The following TMC2 variants were observed in gnomAD, a reference collection of about 807,000 sequenced individuals.
TMC2 encodes transmembrane channel-like protein 2.
TMC2 carries 102 observed loss-of-function variants against 105.9 expected under a neutral mutation model. That is an observed-to-expected ratio of 0.96 (90% CI 0.82 to 1.14). The LOEUF is 1.14. TMC2 is among the 50% of genes most tolerant of loss of function. TMC2 has a pLI of 0.00. For synonymous variants in TMC2, 402 were observed against 422.8 expected, an observed-to-expected ratio of 0.95 and a Z score of 0.60; for missense variants, 1,093 against 1,134.3, an observed-to-expected ratio of 0.96 and a Z score of 0.52.
Position 2,641,240 on chromosome 20 carries a change from C to A in TMC2, c.2610C>A (p.His870Gln). The A allele has an allele frequency of 1.2e-6, 2 of 1,614,204 alleles. No individual in the cohort carries two copies. Among genetic ancestry groups the A allele is most frequent in the Non-Finnish European group, 1.7e-6 (2 of 1,180,032 alleles). Residue 870 changes from histidine to glutamine, a missense_variant, in exon 20 of 20, where the codon CAC becomes CAA. By Grantham distance (24) the His-to-Gln change is conservative (BLOSUM62 0). Transcript: ENST00000358864. Reference sequence around the variant, plus strand: ...GGACCACACTGCCTGCCTCTGGACACCTTCCTATATCTCGGCCCCCTGGAA... The same window carrying A: ...GGACCACACTGCCTGCCTCTGGACAACTTCCTATATCTCGGCCCCCTGGAA... ...ASRTTLPASG[H>Q]LPISRPPGIG... is the part of the protein sequence containing the mutation.
chr20:2,557,813 G>A (rs1449259559), intron 2 of TMC2, among the ~76,000 whole-genome samples: 3 of 152,140 alleles, frequency 2.0e-5, no homozygotes, highest in African/African-American at 4.8e-5. Context: ...ATGAAAGTGC[G>A]CCCCCACCAA....
At chr20:2,588,449 G>C (rs1014471206) in intron 7 of TMC2, among the ~76,000 whole-genome samples, 4 of 152,178 alleles carry the variant, frequency 2.6e-5, no homozygotes, top group Non-Finnish European at 5.9e-5. Flanking sequence ...CTGACCTACA[G>C]AACTGTGAGC....
intron 2 of TMC2, among the ~76,000 whole-genome samples, chr20:2,544,068 A>ATTTT (rs3051737): frequency 1.5e-5 from 2 of 132,480 alleles, no homozygotes; most frequent in East Asian, 4.4e-4. Context: ...TGCCTAGCTG[A>ATTTT]TTTTTTTTTT....
At chr20:2,566,796 C>G (rs1231658370) in intron 4 of TMC2, among the ~76,000 whole-genome samples, 2 of 152,146 alleles carry the variant, frequency 1.3e-5, no homozygotes, top group Admixed American at 6.5e-5. Flanking sequence ...CTTCTATATC[C>G]CAGACTGGCT....
intron 16 of TMC2, among the ~76,000 whole-genome samples, chr20:2,623,146 A>G (rs752070495): frequency 1.3e-5 from 2 of 152,102 alleles, no homozygotes; most frequent in Non-Finnish European, 2.9e-5. Flanking sequence ...CTGAATTTCA[A>G]ATTTGACTTC....
chr20:2,624,146 T>C, intron 16 of TMC2, 125 bp from the exon 17 acceptor site: 1 of 1,086,168 alleles, frequency 9.2e-7, no homozygotes, highest in Non-Finnish European at 1.3e-6. Flanking sequence ...GGAGCAGAGC[T>C]CTGGTTCTTC....
intron 19 of TMC2, among the ~76,000 whole-genome samples, chr20:2,640,691 T>C (rs1364816779): frequency 6.6e-6 from 1 of 152,120 alleles, no homozygotes; most frequent in African/African-American, 2.4e-5. Context: ...CTGGGTTTAG[T>C]AAAGAGCAGT....
intron 11 of TMC2, among the ~76,000 whole-genome samples, chr20:2,603,739 A>G (rs928362752): frequency 6.6e-6 from 1 of 152,224 alleles, no homozygotes; most frequent in Non-Finnish European, 1.5e-5. Context: ...GCCTGTGACC[A>G]GAAATATAAG....
chr20:2,575,168 T>C (rs6138477), intron 5 of TMC2, among the ~76,000 whole-genome samples: 14,979 of 152,202 alleles, frequency 0.098, 800 homozygotes, highest in East Asian at 0.22. Flanking sequence ...TTTTTTCCAA[T>C]GAAGAATGTG....
intron 16 of TMC2, among the ~76,000 whole-genome samples, chr20:2,622,422 C>T (rs1395638602): frequency 6.6e-6 from 1 of 152,188 alleles, no homozygotes; most frequent in Admixed American, 6.5e-5. Context: ...AATCCCAGTA[C>T]TTTGGGAGGC....
intron 2 of TMC2, among the ~76,000 whole-genome samples, chr20:2,552,857 AT>A (rs2085965016): frequency 6.6e-6 from 1 of 152,022 alleles, no homozygotes; most frequent in African/African-American, 2.4e-5. Context: ...TGGAGTTGTG[AT>A]TTTAACTTTA....
rs144915940 is a variant in TMC2 at position 2,642,778 on chromosome 20, C to T, written c.*1427C>T. On this transcript the variant is annotated 3_prime_UTR_variant, in exon 20 of 20. Coordinates refer to ENST00000358864, the MANE Select transcript of TMC2 (RefSeq NM_080751.3). ...CTCTGTGCTCCCAGACCCAGGTAAG[C>T]AGTGAGGCCTCAGAGGGCCCCAGAG... Among the ~76,000 whole-genome samples the T allele has an allele frequency of 8.2e-3, 1,245 of 152,126 alleles. 7 individuals carry two copies. The highest frequency in any genetic ancestry group is 0.012 in the Non-Finnish European group (824 of 68,014).
intron 4 of TMC2, among the ~76,000 whole-genome samples, chr20:2,563,786 C>A (rs998345743): frequency 8.5e-5 from 13 of 152,170 alleles, no homozygotes; most frequent in Admixed American, 2.0e-4. Context: ...GGAGTCCAGT[C>A]CACCATTTTA....
chr20:2,640,154 G>C (rs2086678538), intron 19 of TMC2, among the ~76,000 whole-genome samples: 1 of 151,994 alleles, frequency 6.6e-6, no homozygotes, highest in Admixed American at 6.6e-5. Context: ...GCTAATTTTT[G>C]TATTTTTAGT....
chr20:2,559,168 G>A (rs955176174), intron 3 of TMC2, among the ~76,000 whole-genome samples: 1 of 152,204 alleles, frequency 6.6e-6, no homozygotes, highest in East Asian at 1.9e-4. Flanking sequence ...GGAGCTGAGC[G>A]ACATGAACAA....
At chr20:2,608,021 G>A (rs1348480401) in intron 11 of TMC2, among the ~76,000 whole-genome samples, 1 of 151,806 alleles carries the variant, frequency 6.6e-6, no homozygotes, top group East Asian at 1.9e-4. Flanking sequence ...CTACTTGGGA[G>A]GCTGAGGCAG....
At chr20:2,631,093 T>C (rs1185051032) in intron 17 of TMC2, among the ~76,000 whole-genome samples, 3 of 151,954 alleles carry the variant, frequency 2.0e-5, no homozygotes, top group East Asian at 1.9e-4. Flanking sequence ...CTATATTTTG[T>C]TTTAGTTATT....
intron 2 of TMC2, among the ~76,000 whole-genome samples, chr20:2,541,315 G>T (rs751990963): frequency 1.3e-5 from 2 of 152,138 alleles, no homozygotes; most frequent in African/African-American, 2.4e-5. Flanking sequence ...TTGGGCTTGG[G>T]TTGACTCCTA....
chr20:2,562,162 G>C (rs927462517), intron 4 of TMC2, 152 bp downstream of exon 4: 1 of 1,002,484 alleles, frequency 1.0e-6, no homozygotes, highest in African/African-American at 1.6e-5. Context: ...TGAGAGCCAA[G>C]GCGGCCGTGC....
Sources: gnomAD v4.1 joint callset for allele counts (sites outside exome capture counted in the v4.1 genomes callset) on GRCh38, gnomAD v4.1.1 for gene constraint, MANE v1.5 for transcripts, NCBI Gene and HGNC (gene_info 2026-07-23, HGNC 2026-07-21) for gene names.